SPAG17: variants seen among roughly 807,000 people sequenced by gnomAD.
SPAG17 encodes sperm associated antigen 17, also known as sperm-associated antigen 17.
A neutral mutation model predicts 273.6 loss-of-function variants in SPAG17; 169 were observed. That is an observed-to-expected ratio of 0.62 (90% CI 0.55 to 0.70). The LOEUF (loss-of-function observed/expected upper bound fraction) is 0.70. SPAG17 is among the 30% of genes least tolerant of loss of function. SPAG17 has a pLI of 0.00. For synonymous variants in SPAG17, 825 were observed against 873.2 expected, an observed-to-expected ratio of 0.94 and a Z score of 0.97; for missense variants, 2,557 against 2,627.8, an observed-to-expected ratio of 0.97 and a Z score of 0.59.
chr1:118,033,434 C>T (rs1648711017), intron 24 of SPAG17, among the ~76,000 whole-genome samples: 1 of 152,208 alleles, frequency 6.6e-6, no homozygotes, highest in Non-Finnish European at 1.5e-5. Context: ...CCATCAAGGC[C>T]TAAGATCTTC....
intron 1 of SPAG17, among the ~76,000 whole-genome samples, chr1:118,158,724 A>C (rs1659773308): frequency 6.6e-6 from 1 of 152,200 alleles, no homozygotes; most frequent in Non-Finnish European, 1.5e-5. Flanking sequence ...CCTGCTATTC[A>C]GCTCAGAGTC....
At chr1:117,983,970 C>G in intron 41 of SPAG17, 57 bp from the exon 42 acceptor site, 1 of 744,888 alleles carries the variant, frequency 1.3e-6, no homozygotes, top group Non-Finnish European at 2.2e-6. Flanking sequence ...TCAACTGTCG[C>G]AAATATGTTA....
chr1:118,106,119 GT>G (rs1656380941), intron 4 of SPAG17, among the ~76,000 whole-genome samples: 1 of 152,200 alleles, frequency 6.6e-6, no homozygotes, highest in Non-Finnish European at 1.5e-5. Context: ...AAAACTTTCA[GT>G]TAATGCTGAT....
chr1:118,067,139 G>A (rs184406917), intron 17 of SPAG17, among the ~76,000 whole-genome samples: 2 of 152,142 alleles, frequency 1.3e-5, no homozygotes, highest in African/African-American at 2.4e-5. Flanking sequence ...CAGGCAGAGC[G>A]GCGCTTGCTA....
At chr1:118,001,665 T>C (rs1189357075) in intron 32 of SPAG17, among the ~76,000 whole-genome samples, 2 of 152,214 alleles carry the variant, frequency 1.3e-5, no homozygotes, top group Non-Finnish European at 2.9e-5. Context: ...TCCGTGGTCA[T>C]ATCTCTTTTA....
In SPAG17 at chr1:118,185,130, T is replaced by C. The variant is rs201584269; in HGVS notation, c.28A>G (p.Thr10Ala). 16 of 1,614,098 alleles carry C rather than the reference T, an allele frequency of 9.9e-6. No homozygotes were observed. Among genetic ancestry groups the C allele is most frequent in the African/African-American group, 1.3e-5 (1 of 75,058 alleles). MAPKKEKGG[T>A]VNTSSKIWEP... Reference sequence around the variant, plus strand: ...CATATCTTAGAACTGGTGTTCACAGTTCCTCCTTTCTCCTTCTTGGGTGCC... The same window carrying C: ...CATATCTTAGAACTGGTGTTCACAGCTCCTCCTTTCTCCTTCTTGGGTGCC... Residue 10 changes from threonine (T) to alanine (A), a missense_variant, in exon 1 of 49, where the codon ACT becomes GCT. Thr to Ala is a moderately conservative substitution (Grantham distance 58, BLOSUM62 0). Transcript: ENST00000336338.
chr1:118,080,726 G>C (rs894498895), intron 15 of SPAG17, among the ~76,000 whole-genome samples: 1 of 152,110 alleles, frequency 6.6e-6, no homozygotes, highest in African/African-American at 2.4e-5. Flanking sequence ...GGGAGAGGAG[G>C]GGAAATGATG....
intron 38 of SPAG17, among the ~76,000 whole-genome samples, chr1:117,990,489 A>G (rs1187831661): frequency 2.0e-5 from 3 of 152,222 alleles, no homozygotes; most frequent in Non-Finnish European, 4.4e-5. Context: ...TTTTGGTTAT[A>G]ACAGTGTAGT....
intron 48 of SPAG17, chr1:117,958,970 G>A (rs1652634212): frequency 2.5e-6 from 4 of 1,613,844 alleles, no homozygotes; most frequent in Non-Finnish European, 3.4e-6. Context: ...AAAAATTAAG[G>A]GAAACAACTA....
At chr1:117,991,005 A>G (rs1400397448) in intron 37 of SPAG17, 99 bp from the exon 38 acceptor site, 1 of 624,190 alleles carries the variant, frequency 1.6e-6, no homozygotes, top group African/African-American at 1.9e-5. Context: ...AAAAACTACT[A>G]TAAAATGAAT....
intron 6 of SPAG17, among the ~76,000 whole-genome samples, chr1:118,099,197 A>T (rs1033692650): frequency 6.6e-6 from 1 of 152,174 alleles, no homozygotes; most frequent in African/African-American, 2.4e-5. Flanking sequence ...CAATAGCAGA[A>T]CAGGGCAAGA....
At chr1:118,127,456 C>T (rs182925212) in intron 3 of SPAG17, among the ~76,000 whole-genome samples, 113 of 152,204 alleles carry the variant, frequency 7.4e-4, no homozygotes, top group Admixed American at 1.6e-3. Flanking sequence ...TTAAACCACC[C>T]GATCTCATGT....
At chr1:118,109,501 G>C (rs1656627872) in intron 4 of SPAG17, among the ~76,000 whole-genome samples, 1 of 150,706 alleles carries the variant, frequency 6.6e-6, no homozygotes, top group Admixed American at 6.6e-5. Context: ...GTTGCAGTGA[G>C]CCGAGATCGT....
At chr1:118,172,321 A>G (rs1317216983) in intron 1 of SPAG17, among the ~76,000 whole-genome samples, 1 of 152,348 alleles carries the variant, frequency 6.6e-6, no homozygotes, top group Admixed American at 6.5e-5. Context: ...GGAAACTGAA[A>G]TCATCATTGC....
intron 1 of SPAG17, among the ~76,000 whole-genome samples, chr1:118,151,919 A>G (rs1276209220): frequency 6.6e-6 from 1 of 152,210 alleles, no homozygotes; most frequent in African/African-American, 2.4e-5. Flanking sequence ...GGGCAAAAAT[A>G]TTACACTTGG....
chr1:118,012,411 T>C (rs550978571), intron 29 of SPAG17, 39 bp from the exon 30 acceptor site: 3 of 1,602,820 alleles, frequency 1.9e-6, no homozygotes, highest in Non-Finnish European at 2.6e-6. Context: ...TTTGGCCACA[T>C]GGTTCATCCC....
intron 21 of SPAG17, among the ~76,000 whole-genome samples, chr1:118,041,097 T>C (rs1649696818): frequency 6.6e-6 from 1 of 152,190 alleles, no homozygotes; most frequent in Non-Finnish European, 1.5e-5. Flanking sequence ...TGAATCATCA[T>C]ACTGTTGTCA....
At chr1:118,032,617 CAG>C (rs1427291606) in intron 24 of SPAG17, among the ~76,000 whole-genome samples, 7 of 151,744 alleles carry the variant, frequency 4.6e-5, no homozygotes, top group African/African-American at 1.7e-4. Flanking sequence ...TATTTTGAGA[CAG>C]AGTGTCACTC....
chr1:117,978,134 TG>T (rs1000839549), intron 43 of SPAG17, among the ~76,000 whole-genome samples: 41 of 152,304 alleles, frequency 2.7e-4, no homozygotes, highest in Non-Finnish European at 4.3e-4. Context: ...TTGACCTCAC[TG>T]AGGTCTCTCA....
Sources: gnomAD v4.1 joint callset for allele counts (sites outside exome capture counted in the v4.1 genomes callset) on GRCh38, gnomAD v4.1.1 for gene constraint, MANE v1.5 for transcripts, NCBI Gene and HGNC (gene_info 2026-07-23, HGNC 2026-07-21) for gene names.